MAL: variants seen among roughly 807,000 people sequenced by gnomAD.
The protein encoded by MAL is myelin and lymphocyte protein.
Under a neutral mutation model 16.7 loss-of-function variants are expected in MAL, and 5 were observed. The observed-to-expected ratio is 0.30, with a 90% CI of 0.16 to 0.63. The LOEUF (loss-of-function observed/expected upper bound fraction) is 0.63, where lower values mean the gene tolerates loss of function less well. MAL is among the 30% of genes least tolerant of loss of function. The probability of loss-of-function intolerance (pLI) is 0.82; values close to 1 mark genes in which losing one functional copy is unlikely to be tolerated. For missense variants in MAL, 202 were observed against 195.8 expected (o/e 1.03, Z -0.19); for synonymous variants, 96 against 85.5 (o/e 1.12, Z -0.67).
At chr2:95,033,770 C>T (rs1345980238) in intron 1 of MAL, among the ~76,000 whole-genome samples, 1 of 152,008 alleles carries the variant, frequency 6.6e-6, no homozygotes, top group African/African-American at 2.4e-5. Flanking sequence ...AGAGTGAGAA[C>T]CTGTCATCAA....
intron 1 of MAL, among the ~76,000 whole-genome samples, chr2:95,033,868 C>A (rs1012910014): frequency 1.3e-5 from 2 of 152,178 alleles, no homozygotes; most frequent in African/African-American, 4.8e-5. Context: ...TGGGCCTCAG[C>A]CAGCTCATCA....
chr2:95,038,694 G>A (rs1284933677), intron 1 of MAL, among the ~76,000 whole-genome samples: 1 of 152,022 alleles, frequency 6.6e-6, no homozygotes, highest in African/African-American at 2.4e-5. Flanking sequence ...GTGAGTGACT[G>A]AGTGACTGAG....
chr2:95,042,621 G>A (rs1162827477), intron 1 of MAL, among the ~76,000 whole-genome samples: 2 of 152,152 alleles, frequency 1.3e-5, no homozygotes, highest in Non-Finnish European at 2.9e-5. Flanking sequence ...ACAGTAACAG[G>A]GTGCAGCTGT....
At chr2:95,053,347 C>T in intron 3 of MAL, 34 bp from the exon 4 acceptor site, 1 of 1,492,028 alleles carries the variant, frequency 6.7e-7, no homozygotes, top group Non-Finnish European at 9.3e-7. Context: ...CCTCCCTACA[C>T]AAACCCATTA....
At chr2:95,031,907 C>T (rs1397207459) in intron 1 of MAL, among the ~76,000 whole-genome samples, 1 of 152,212 alleles carries the variant, frequency 6.6e-6, no homozygotes, top group African/African-American at 2.4e-5. Context: ...TTTTCAAGAC[C>T]AGAGGCTGGC....
chr2:95,040,650 GCTC>G (rs1674439333), intron 1 of MAL, among the ~76,000 whole-genome samples: 1 of 152,184 alleles, frequency 6.6e-6, no homozygotes, highest in Non-Finnish European at 1.5e-5. Context: ...AGTGGGGGGT[GCTC>G]CTCCTGGTGG....
chr2:95,026,162 G>A (rs1030886024), intron 1 of MAL, among the ~76,000 whole-genome samples: 3 of 152,164 alleles, frequency 2.0e-5, no homozygotes, highest in East Asian at 3.9e-4. Flanking sequence ...GGCAGGGGGG[G>A]ACGGCTCTTG....
chr2:95,027,845 G>C (rs890958901), intron 1 of MAL, among the ~76,000 whole-genome samples: 2 of 152,096 alleles, frequency 1.3e-5, no homozygotes, highest in African/African-American at 2.4e-5. Flanking sequence ...CCAGCTACTC[G>C]AGAGGTTTTT....
intron 1 of MAL, among the ~76,000 whole-genome samples, chr2:95,040,454 T>C (rs1168571078): frequency 1.3e-5 from 2 of 152,162 alleles, no homozygotes; most frequent in Non-Finnish European, 2.9e-5. Flanking sequence ...CTACCCTCTA[T>C]CTCACTCTTA....
chr2:95,051,616 A>G (rs1388441004), intron 3 of MAL: 2 of 152,128 alleles, frequency 1.3e-5, no homozygotes, highest in Admixed American at 1.3e-4. Context: ...TCATTACTGT[A>G]TAGTATTCCC....
At chr2:95,029,141 T>C (rs908405604) in intron 1 of MAL, among the ~76,000 whole-genome samples, 10 of 152,242 alleles carry the variant, frequency 6.6e-5, no homozygotes, top group African/African-American at 2.4e-4. Context: ...TACATAATTA[T>C]TGCCCAACTT....
chr2:95,038,642 GA>G (rs1674331508), intron 1 of MAL, among the ~76,000 whole-genome samples: 2 of 151,898 alleles, frequency 1.3e-5, no homozygotes, highest in East Asian at 1.9e-4. Flanking sequence ...CTGAGTGACT[GA>G]GTGAGTGAGT....
At chr2:95,035,054 C>T (rs992929542) in intron 1 of MAL, among the ~76,000 whole-genome samples, 1 of 152,180 alleles carries the variant, frequency 6.6e-6, no homozygotes, top group Admixed American at 6.5e-5. Context: ...GAGTCCTTGA[C>T]CTCAAAGGCG....
chr2:95,046,670 C>A (rs939047859), intron 1 of MAL, among the ~76,000 whole-genome samples: 2 of 152,064 alleles, frequency 1.3e-5, no homozygotes, highest in African/African-American at 4.8e-5. Context: ...TTCTGGATAA[C>A]CACGGGACTG....
Position 95,049,651 on chromosome 2 carries a change from T to C in MAL, c.332T>C (p.Ile111Thr). The change falls in exon 3 of 4, where the codon ATC becomes ACC. Residue 111 changes from isoleucine to threonine, a missense_variant. Coordinates refer to ENST00000309988, the MANE Select transcript of MAL (RefSeq NM_002371.4). Reference protein sequence around the residue: ...SASVLEALATITMQDGFTYRH... With the variant: ...SASVLEALATTTMQDGFTYRH... Reference sequence around the variant, plus strand: ...TCAGTCCTGGAGGCCCTGGCCACCATCACGATGCAAGACGGCTTCACCTAC... The same window carrying C: ...TCAGTCCTGGAGGCCCTGGCCACCACCACGATGCAAGACGGCTTCACCTAC... 6.2e-7 allele frequency: 1 copy of C among 1,613,986 alleles called. No individual in the cohort carries two copies. The highest frequency in any genetic ancestry group is 1.3e-5 in the African/African-American group (1 of 74,988).
chr2:95,037,925 T>G (rs1282671321), intron 1 of MAL, among the ~76,000 whole-genome samples: 2 of 148,510 alleles, frequency 1.3e-5, no homozygotes, highest in Non-Finnish European at 1.5e-5. Context: ...AGTGAGTGAC[T>G]GAGTGAGTGA....
intron 1 of MAL, among the ~76,000 whole-genome samples, chr2:95,031,613 G>T (rs1461396224): frequency 6.6e-6 from 1 of 152,166 alleles, no homozygotes; most frequent in Non-Finnish European, 1.5e-5. Context: ...TCAGACCAGG[G>T]ACCTCCTCTG....
intron 1 of MAL, among the ~76,000 whole-genome samples, chr2:95,039,448 G>T (rs528409331): frequency 6.7e-6 from 1 of 148,174 alleles, no homozygotes; most frequent in South Asian, 2.1e-4. Context: ...GAGTGAGTGA[G>T]TGAGTGAGTG....
At chr2:95,028,249 G>A (rs574169631) in intron 1 of MAL, among the ~76,000 whole-genome samples, 38 of 151,928 alleles carry the variant, frequency 2.5e-4, no homozygotes, top group South Asian at 6.2e-4. Context: ...CTTGAACCTG[G>A]GAGGCAGAGG....
Sources: allele counts gnomAD v4.1 joint callset (sites outside exome capture counted in the v4.1 genomes callset), GRCh38; gene constraint gnomAD v4.1.1; transcripts MANE v1.5; gene names NCBI Gene and HGNC (gene_info 2026-07-23, HGNC 2026-07-21).